Variants in AGAP1 observed in about 807,000 individuals in gnomAD.
AGAP1 encodes arf-GAP with GTPase, ANK repeat and PH domain-containing protein 1.
Under a neutral mutation model 105.3 loss-of-function variants are expected in AGAP1, and 29 were observed. That is an observed-to-expected ratio of 0.28 (90% CI 0.21 to 0.38). The LOEUF (loss-of-function observed/expected upper bound fraction) is 0.38. Among genes scored for constraint, AGAP1 ranks in the 10% least tolerant of loss-of-function variants. AGAP1 has a pLI of 1.00. For synonymous variants in AGAP1, 509 were observed against 485.9 expected (o/e 1.05, Z -0.63); for missense variants, 998 against 1,165.1 (o/e 0.86, Z 2.09).
chr2:235,699,147 C>T (rs1950138338), intron 1 of AGAP1, among the ~76,000 whole-genome samples: 1 of 151,864 alleles, frequency 6.6e-6, no homozygotes, highest in Non-Finnish European at 1.5e-5. Flanking sequence ...GGCAGGACGT[C>T]CCTACATGCC....
intron 9 of AGAP1, among the ~76,000 whole-genome samples, chr2:235,835,217 G>A (rs943567505): frequency 6.6e-6 from 1 of 152,306 alleles, no homozygotes; most frequent in South Asian, 2.1e-4. Flanking sequence ...CACTCCTTCA[G>A]TTGCAATCTT....
intron 1 of AGAP1, among the ~76,000 whole-genome samples, chr2:235,653,758 G>C (rs570765954): frequency 6.6e-6 from 1 of 152,160 alleles, no homozygotes; most frequent in Non-Finnish European, 1.5e-5. Context: ...ATGGCCTTAT[G>C]TATTAAAAAC....
intron 10 of AGAP1, among the ~76,000 whole-genome samples, chr2:235,895,431 G>C (rs1271862891): frequency 6.6e-6 from 1 of 152,042 alleles, no homozygotes. Context: ...TCTGGCCTCC[G>C]GGTCTTCACA....
chr2:235,961,910 C>T lies in AGAP1; in HGVS notation c.1484-6552C>T, dbSNP rs868559988. ...TGAGATGACAGCTCATGTTTAGTGC[C>T]GGGTGCTGGGTGAGCGAGGGTGGGT... On this transcript the variant is annotated intron_variant, in intron 12 of 17. Coordinates refer to ENST00000304032, the MANE Select transcript of AGAP1 (RefSeq NM_001037131.3). The surrounding 1 kb of genome is among the most constrained non-coding windows in gnomAD (Gnocchi z 5.9). 5.0e-4 allele frequency among the ~76,000 whole-genome samples: 76 copies of T among 152,170 alleles called. No individual in the cohort carries two copies. Among genetic ancestry groups the T allele is most frequent in the African/African-American group, 1.7e-3 (72 of 41,492 alleles).
At position 235,622,331 on chromosome 2, in the gene AGAP1, T is replaced by G. The variant is rs970439249; in HGVS notation, c.164-86848T>G. 6.6e-6 allele frequency among the ~76,000 whole-genome samples: 1 copy of G among 152,206 alleles called. No homozygotes were observed. The highest frequency in any genetic ancestry group is 1.5e-5 in the Non-Finnish European group (1 of 68,038). On this transcript the variant is annotated intron_variant, in intron 1 of 17. Transcript: ENST00000304032. This position sits in a 1 kb window ranked among gnomAD's most constrained non-coding sequence, Gnocchi z 5.0. ...GTCAGCAGGTCCTGAGATGTGACTC[T>G]GGACAGCCAGTGGTCTGTAGCATTC...
Position 236,082,784 on chromosome 2 carries a change from G to T in AGAP1, c.2114+33503G>T, listed in dbSNP as rs1342070078. 6.6e-6 allele frequency among the ~76,000 whole-genome samples: 1 copy of T among 152,174 alleles called. No homozygotes were observed. The highest frequency in any genetic ancestry group is 2.4e-5 in the African/African-American group (1 of 41,436). On this transcript the variant is annotated intron_variant, in intron 16 of 17. Coordinates refer to ENST00000304032, the MANE Select transcript of AGAP1 (RefSeq NM_001037131.3). This position sits in a 1 kb window ranked among gnomAD's most constrained non-coding sequence, Gnocchi z 4.2. Reference sequence around the variant, plus strand: ...AGCTACTTGGGAGGCTGAGGCAGGAGAATTGCTTGAAACCTGGAGGTGGAG... The same window carrying T: ...AGCTACTTGGGAGGCTGAGGCAGGATAATTGCTTGAAACCTGGAGGTGGAG...
In AGAP1 at chr2:235,939,179, C is replaced by T. The variant is rs576581796; in HGVS notation, c.1483+8256C>T. On this transcript the variant is annotated intron_variant, in intron 12 of 17. Transcript: ENST00000304032. ...TATGATGCAGTGAGACAGGTCCCAG[C>T]GACTGTTTCCAGCCTTCTCCTCTGG... Among the ~76,000 whole-genome samples the T allele has an allele frequency of 3.0e-4, 46 of 152,256 alleles. No individual in the cohort carries two copies. The East Asian group carries it at 3.3e-3, about 11-fold the overall frequency.
chr2:235,507,984 G>A (rs932414438), intron 1 of AGAP1, among the ~76,000 whole-genome samples: 5 of 152,026 alleles, frequency 3.3e-5, no homozygotes, highest in Non-Finnish European at 7.4e-5. Flanking sequence ...CTTGGTGGCC[G>A]TTGTTCCATT....
At position 236,104,780 on chromosome 2, in the gene AGAP1, T is replaced by G. The variant is rs1227464791; in HGVS notation, c.2115-15412T>G. ...GATGCGTGCCTGTAATCCCAGCTAC[T>G]CGGGAGGCTGAGGCAGGCAGGAGAA... On this transcript the variant is annotated intron_variant, in intron 16 of 17. Coordinates refer to ENST00000304032, the MANE Select transcript of AGAP1 (RefSeq NM_001037131.3). The surrounding 1 kb of genome is among the most constrained non-coding windows in gnomAD (Gnocchi z 4.7). Among the ~76,000 whole-genome samples, 1 of 151,984 alleles carries G rather than the reference T, an allele frequency of 6.6e-6. No individual in the cohort carries two copies. Among genetic ancestry groups the G allele is most frequent in the Admixed American group, 6.5e-5 (1 of 15,278 alleles).
At chr2:236,064,723 T>C (rs1372559943) in intron 16 of AGAP1, among the ~76,000 whole-genome samples, 4 of 152,202 alleles carry the variant, frequency 2.6e-5, no homozygotes, top group African/African-American at 4.8e-5. Context: ...ATTGCTGGTA[T>C]CCTTTAAACA....
intron 2 of AGAP1, among the ~76,000 whole-genome samples, chr2:235,713,252 A>G (rs897171287): frequency 2.6e-5 from 4 of 152,246 alleles, no homozygotes; most frequent in African/African-American, 9.6e-5. Context: ...TGAAGCTGAC[A>G]TGAAGCGGGT....
rs1424341524 is a variant in AGAP1, at chr2:235,662,181, A to G, written c.164-46998A>G. 6.6e-6 allele frequency among the ~76,000 whole-genome samples: 1 copy of G among 152,188 alleles called. No individual in the cohort carries two copies. The highest frequency in any genetic ancestry group is 1.5e-5 in the Non-Finnish European group (1 of 68,036). On this transcript the variant is annotated intron_variant, in intron 1 of 17. Coordinates refer to ENST00000304032, the MANE Select transcript of AGAP1 (RefSeq NM_001037131.3). The surrounding 1 kb of genome is among the most constrained non-coding windows in gnomAD (Gnocchi z 4.2). The stretch of plus-strand genomic sequence containing the variant: ...GTGGAGTGGCTGTAAGGCCGTGACC[A>G]GGAAAAAAGGGACCCAGGGTGGTGG...
intron 10 of AGAP1, among the ~76,000 whole-genome samples, chr2:235,897,021 G>A (rs1443222910): frequency 6.6e-6 from 1 of 152,120 alleles, no homozygotes; most frequent in Non-Finnish European, 1.5e-5. Flanking sequence ...ATGGAAGCAG[G>A]GTGAGACTGG....
At chr2:235,839,328 C>T (rs968978029) in intron 9 of AGAP1, among the ~76,000 whole-genome samples, 7 of 152,232 alleles carry the variant, frequency 4.6e-5, no homozygotes, top group South Asian at 4.1e-4. Flanking sequence ...CACACATACA[C>T]ACGCACACAC....
At chr2:235,828,181 T>C (rs1200981442) in intron 9 of AGAP1, among the ~76,000 whole-genome samples, 2 of 152,180 alleles carry the variant, frequency 1.3e-5, no homozygotes, top group African/African-American at 4.8e-5. Flanking sequence ...CTACAGGAAT[T>C]GATGGAAGAG....
At chr2:236,098,620 C>CTTTTTTTTTTT (rs34419216) in intron 16 of AGAP1, among the ~76,000 whole-genome samples, 25 of 115,228 alleles carry the variant, frequency 2.2e-4, no homozygotes, top group Admixed American at 9.2e-4. Flanking sequence ...TCTTTTTTTC[C>CTTTTTTTTTTT]TTTTTTTTTT....
chr2:235,794,528 G>A (rs1355167794), intron 6 of AGAP1, among the ~76,000 whole-genome samples: 1 of 152,170 alleles, frequency 6.6e-6, no homozygotes, highest in Non-Finnish European at 1.5e-5. Context: ...CTGGAGTGCA[G>A]TGGCATGATC....
intron 16 of AGAP1, among the ~76,000 whole-genome samples, chr2:236,081,270 A>AC (rs1156435136): frequency 2.0e-5 from 3 of 152,190 alleles, no homozygotes; most frequent in Non-Finnish European, 4.4e-5. Context: ...TCCTGCCACA[A>AC]CACTGACCAC....
At chr2:235,768,614 G>GTTCA (rs1230810118) in intron 6 of AGAP1, among the ~76,000 whole-genome samples, 3 of 152,256 alleles carry the variant, frequency 2.0e-5, no homozygotes, top group Non-Finnish European at 4.4e-5. Flanking sequence ...GGGAGCCAAT[G>GTTCA]GGTAGAGCTG....
Sources: allele counts gnomAD v4.1 joint callset (sites outside exome capture counted in the v4.1 genomes callset), GRCh38; gene constraint gnomAD v4.1.1; non-coding constraint Gnocchi (gnomAD v3.1); transcripts MANE v1.5; gene names NCBI Gene and HGNC (gene_info 2026-07-23, HGNC 2026-07-21).